SCTR: variants seen among roughly 807,000 people sequenced by gnomAD.
The protein encoded by SCTR is pancreatic secretin receptor.
In SCTR, 56 loss-of-function variants were observed where a neutral mutation model predicts 60.8. That is an observed-to-expected ratio of 0.92 (90% CI 0.74 to 1.15). The LOEUF (loss-of-function observed/expected upper bound fraction) is 1.15, where lower values mean the gene tolerates loss of function less well. Among genes scored for constraint, SCTR ranks in the 50% most tolerant of loss-of-function variants. The probability of loss-of-function intolerance (pLI) is 0.00; values close to 1 mark genes in which losing one functional copy is unlikely to be tolerated. For missense variants in SCTR, 562 were observed against 550.4 expected (o/e 1.02, Z -0.21); for synonymous variants, 202 against 217.0 (o/e 0.93, Z 0.61).
At chr2:119,510,438 C>A (rs973857674) in intron 1 of SCTR, among the ~76,000 whole-genome samples, 8 of 151,960 alleles carry the variant, frequency 5.3e-5, no homozygotes, top group Non-Finnish European at 1.0e-4. Context: ...TTGCTGGGAG[C>A]GCCTGGGAAG....
intron 9 of SCTR, among the ~76,000 whole-genome samples, chr2:119,449,073 CG>C (rs1167847837): frequency 6.6e-6 from 1 of 152,216 alleles, no homozygotes; most frequent in East Asian, 1.9e-4. Context: ...TGGAAGCCCC[CG>C]GGGATATTGT....
intron 4 of SCTR, among the ~76,000 whole-genome samples, chr2:119,469,043 T>C (rs546841627): frequency 6.6e-6 from 1 of 152,190 alleles, no homozygotes; most frequent in African/African-American, 2.4e-5. Context: ...TGACATTGAG[T>C]TCCCCACTGA....
At chr2:119,462,441 T>A (rs1273943202) in intron 6 of SCTR, among the ~76,000 whole-genome samples, 4 of 152,212 alleles carry the variant, frequency 2.6e-5, no homozygotes, top group Admixed American at 6.5e-5. Context: ...AAACACATAA[T>A]GAAGGGATGT....
At chr2:119,468,775 T>C (rs1683941697) in intron 4 of SCTR, among the ~76,000 whole-genome samples, 1 of 152,174 alleles carries the variant, frequency 6.6e-6, no homozygotes, top group Non-Finnish European at 1.5e-5. Flanking sequence ...GTCACATTAA[T>C]AAACTGAAGC....
chr2:119,487,324 A>G (rs1029895557), intron 2 of SCTR: 4 of 152,236 alleles, frequency 2.6e-5, no homozygotes, highest in Admixed American at 2.6e-4. Context: ...TTTCACCTCA[A>G]TAAAAAAGGT....
intron 7 of SCTR, among the ~76,000 whole-genome samples, chr2:119,460,555 A>G (rs1683563470): frequency 6.6e-6 from 1 of 152,098 alleles, no homozygotes; most frequent in Non-Finnish European, 1.5e-5. Flanking sequence ...GTCCTTGTTT[A>G]CCATGTGAGT....
At chr2:119,454,252 G>A (rs1347374325) in intron 7 of SCTR, among the ~76,000 whole-genome samples, 1 of 152,164 alleles carries the variant, frequency 6.6e-6, no homozygotes, top group Non-Finnish European at 1.5e-5. Context: ...GAGTGGGGCT[G>A]GGGCAGGAGG....
chr2:119,446,855 G>A lies in SCTR; in HGVS notation c.1044C>T (p.Ile348=), dbSNP rs202090092. ...KRLARSTLLL[I]PLFGIHYIVF... is the part of the protein sequence containing the mutation. The stretch of plus-strand genomic sequence containing the variant: ...CGATGTAGTGGATGCCAAAGAGGGG[G>A]ATCAGCAGGAGAGTGGACCTGGCCA... Residue 348 remains isoleucine (I), a synonymous_variant, in exon 11 of 13, where the codon ATC becomes ATT. Coordinates refer to ENST00000019103, the MANE Select transcript of SCTR (RefSeq NM_002980.3). 1.1e-5 allele frequency: 17 copies of A among 1,575,280 alleles called. No individual in the cohort carries two copies. Among genetic ancestry groups the A allele is most frequent in the Non-Finnish European group, 1.4e-5 (16 of 1,159,802 alleles).
intron 1 of SCTR, among the ~76,000 whole-genome samples, chr2:119,514,600 G>A (rs1679053838): frequency 6.6e-6 from 1 of 152,178 alleles, no homozygotes; most frequent in Non-Finnish European, 1.5e-5. Context: ...TAAAGGCTGG[G>A]TGCAGTGGCT....
intron 2 of SCTR, among the ~76,000 whole-genome samples, chr2:119,491,081 A>C (rs1320637009): frequency 6.6e-6 from 1 of 152,196 alleles, no homozygotes; most frequent in Non-Finnish European, 1.5e-5. Context: ...GGGGAATCCA[A>C]ACAATGACAT....
intron 1 of SCTR, among the ~76,000 whole-genome samples, chr2:119,514,977 C>T (rs188745839): frequency 2.0e-5 from 3 of 152,266 alleles, no homozygotes; most frequent in Admixed American, 6.5e-5. Flanking sequence ...GGAAAGATAT[C>T]GCTTCAAGGG....
At chr2:119,497,351 A>C (rs995161200) in intron 1 of SCTR, among the ~76,000 whole-genome samples, 2 of 151,894 alleles carry the variant, frequency 1.3e-5, no homozygotes, top group Non-Finnish European at 1.5e-5. Context: ...CCCCTCTCAA[A>C]AAAAAAAAAG....
chr2:119,519,267 G>A (rs1379558452), intron 1 of SCTR, among the ~76,000 whole-genome samples: 2 of 151,884 alleles, frequency 1.3e-5, no homozygotes, highest in Non-Finnish European at 2.9e-5. Flanking sequence ...GGGCCACCGC[G>A]CTCCGCCTAA....
At chr2:119,507,133 G>T (rs1434958009) in intron 1 of SCTR, among the ~76,000 whole-genome samples, 2 of 152,106 alleles carry the variant, frequency 1.3e-5, no homozygotes, top group Non-Finnish European at 2.9e-5. Flanking sequence ...GAGTATAAAA[G>T]AACATCTAGC....
At chr2:119,508,383 C>CTTTTTTTTTTTTTTTTTTTTTTTTTTT (rs34070844) in intron 1 of SCTR, among the ~76,000 whole-genome samples, 1 of 77,376 alleles carries the variant, frequency 1.3e-5, no homozygotes, top group Non-Finnish European at 2.3e-5. Context: ...TCTTCTTCTT[C>CTTTTTTTTTTTTTTTTTTTTTTTTTTT]TTTTTTTTTT....
Position 119,446,802 on chromosome 2 carries a change from A to G in SCTR, c.1097T>C (p.Met366Thr), listed in dbSNP as rs775102137. The change falls in exon 11 of 13, where the codon ATG (methionine) becomes ACG (threonine). Residue 366 changes from methionine (M) to threonine (T), a missense_variant. Physicochemically the swap from Met to Thr is moderately conservative, Grantham distance 81. Coordinates refer to ENST00000019103, the MANE Select transcript of SCTR (RefSeq NM_002980.3). ...IVFAFSPEDA[M>T]EIQLFFELAL... is the part of the protein sequence containing the mutation. ...TAGTTCAAAAAACAGCTGGATCTCC[A>G]TAGCGTCCTCTGGGGAGAAGGCGAA... 3.8e-6 allele frequency: 6 copies of G among 1,575,822 alleles called. No homozygotes were observed. The highest frequency in any genetic ancestry group is 2.7e-5 in the African/African-American group (2 of 73,192).
At chr2:119,475,059 TAGGCTGGTGCC>T (rs1276827559) in intron 3 of SCTR, among the ~76,000 whole-genome samples, 1 of 152,204 alleles carries the variant, frequency 6.6e-6, no homozygotes, top group African/African-American at 2.4e-5. Flanking sequence ...GGAAAATGCC[TAGGCTGGTGCC>T]AGGCACAGAG....
At chr2:119,494,220 G>A (rs906149124) in intron 2 of SCTR, among the ~76,000 whole-genome samples, 1 of 152,200 alleles carries the variant, frequency 6.6e-6, no homozygotes, top group African/African-American at 2.4e-5. Flanking sequence ...CCCAGAGAAA[G>A]GAAGAGTGGT....
intron 5 of SCTR, among the ~76,000 whole-genome samples, chr2:119,465,473 C>T (rs1683793219): frequency 6.6e-6 from 1 of 152,196 alleles, no homozygotes; most frequent in Non-Finnish European, 1.5e-5. Context: ...GGATTTCTGT[C>T]TCTTGCAACA....
Sources: gnomAD v4.1 joint callset for allele counts (sites outside exome capture counted in the v4.1 genomes callset) on GRCh38, gnomAD v4.1.1 for gene constraint, MANE v1.5 for transcripts, NCBI Gene and HGNC (gene_info 2026-07-23, HGNC 2026-07-21) for gene names.